NTSR1: variants seen among roughly 807,000 people sequenced by gnomAD.
NTSR1 encodes neurotensin receptor 1.
NTSR1 carries 29 observed loss-of-function variants against 31.2 expected under a neutral mutation model. The observed-to-expected ratio is 0.93, with a 90% CI of 0.69 to 1.27. The LOEUF is 1.27. NTSR1 is among the 50% of genes most tolerant of loss of function. The pLI is 0.00. For synonymous variants in NTSR1, 282 were observed against 269.9 expected, an observed-to-expected ratio of 1.04 and a Z score of -0.44; for missense variants, 697 against 595.4, an observed-to-expected ratio of 1.17 and a Z score of -1.78.
Position 62,745,286 on chromosome 20 carries a change from GAAAC to G in NTSR1, c.715-9397_715-9394del. Among the ~76,000 whole-genome samples the G allele has an allele frequency of 6.6e-6, 1 of 152,066 alleles. No individual in the cohort carries two copies. The highest frequency in any genetic ancestry group is 1.5e-5 in the Non-Finnish European group (1 of 67,972). ...ACATGGAGAGAGACACAGAGACAGA[GAAAC>G]AGACACATAGAGGAAAACAGACACA... On this transcript the variant is annotated intron_variant, in intron 1 of 3. Transcript: ENST00000370501. This position sits in a 1 kb window ranked among gnomAD's most constrained non-coding sequence, Gnocchi z 4.1.
Position 62,741,728 on chromosome 20 carries a change from G to T in NTSR1, c.715-12957G>T, listed in dbSNP as rs748025818. 6.7e-6 allele frequency among the ~76,000 whole-genome samples: 1 copy of T among 149,686 alleles called. No individual in the cohort carries two copies. Among genetic ancestry groups the T allele is most frequent in the Non-Finnish European group, 1.5e-5 (1 of 68,018 alleles). ...GGGCAGGCTCAGTCCCTGAGAGGTC[G>T]CCAAGGAGCCACAGCCTTGGACTAG... On this transcript the variant is annotated intron_variant, in intron 1 of 3. Transcript: ENST00000370501. This position sits in a 1 kb window ranked among gnomAD's most constrained non-coding sequence, Gnocchi z 4.3.
intron 1 of NTSR1, among the ~76,000 whole-genome samples, chr20:62,754,348 C>G (rs148003477): frequency 0.022 from 3,286 of 152,308 alleles, 102 homozygotes; most frequent in African/African-American, 0.068. Context: ...AACCTAGAGC[C>G]TAGGGCCTTT....
At position 62,720,541 on chromosome 20, in the gene NTSR1, G is replaced by T. The variant is rs182259071; in HGVS notation, c.714+10620G>T. Among the ~76,000 whole-genome samples the T allele has an allele frequency of 3.1e-3, 473 of 152,110 alleles. 5 individuals carry two copies. Among genetic ancestry groups the T allele is most frequent in the African/African-American group, 0.011 (446 of 41,466 alleles). ...TGTGACTTCTCTCTTTTCTCCTTGG[G>T]CAATATGGCTAGGATTTTATTAACA... On this transcript the variant is annotated intron_variant, in intron 1 of 3. Coordinates refer to ENST00000370501, the MANE Select transcript of NTSR1 (RefSeq NM_002531.3).
In NTSR1 at chr20:62,743,798, CGAA is replaced by C. The variant is rs774196328; in HGVS notation, c.715-10884_715-10882del. On this transcript the variant is annotated intron_variant, in intron 1 of 3. Coordinates refer to ENST00000370501, the MANE Select transcript of NTSR1 (RefSeq NM_002531.3). The surrounding 1 kb of genome is among the most constrained non-coding windows in gnomAD (Gnocchi z 7.5). Reference sequence around the variant, plus strand: ...AGAATACAAAACAAGCAATTGCTCTCGAAGAGCGAGGTGAGAACGCCCTGCCTG... The same window carrying C: ...AGAATACAAAACAAGCAATTGCTCTCGAGCGAGGTGAGAACGCCCTGCCTG... Among the ~76,000 whole-genome samples, 3 of 152,040 alleles carry C rather than the reference CGAA, an allele frequency of 2.0e-5. No individual in the cohort carries two copies. Among genetic ancestry groups the C allele is most frequent in the Non-Finnish European group, 4.4e-5 (3 of 68,024 alleles).
chr20:62,713,062 G>C (rs1020827940), intron 1 of NTSR1, among the ~76,000 whole-genome samples: 1 of 152,138 alleles, frequency 6.6e-6, no homozygotes, highest in Non-Finnish European at 1.5e-5. Flanking sequence ...CAGTTTTAGA[G>C]ACCCGCCCCT....
In NTSR1 at chr20:62,732,530, T is replaced by C. The variant is rs1175817792; in HGVS notation, c.715-22155T>C. 1 of 152,194 alleles carries C rather than the reference T, an allele frequency of 6.6e-6. No homozygotes were observed. Among genetic ancestry groups the C allele is most frequent in the East Asian group, 1.9e-4 (1 of 5,196 alleles). The allele number at this position is 152,194 out of a possible 1,614,324, so 9.4% of individuals were successfully genotyped here. A position where few individuals can be genotyped will look rare whatever the true frequency, so the allele number is the denominator to read the frequency against. Reference sequence around the variant, plus strand: ...CCATGTAGCGCTGCATGAGATTCGCTGCTATTTGTGTAATTCTTAGTATGT... The same window carrying C: ...CCATGTAGCGCTGCATGAGATTCGCCGCTATTTGTGTAATTCTTAGTATGT... On this transcript the variant is annotated intron_variant, in intron 1 of 3. Coordinates refer to ENST00000370501, the MANE Select transcript of NTSR1 (RefSeq NM_002531.3). The surrounding 1 kb of genome is among the most constrained non-coding windows in gnomAD (Gnocchi z 4.0).
At chr20:62,709,966 C>G in intron 1 of NTSR1, 45 bp downstream of exon 1, 3 of 1,429,018 alleles carry the variant, frequency 2.1e-6, no homozygotes, top group Non-Finnish European at 2.9e-6. Flanking sequence ...TCCTTCACCC[C>G]AAAAGCAGTG....
intron 1 of NTSR1, among the ~76,000 whole-genome samples, chr20:62,725,409 C>T (rs1389373747): frequency 6.6e-6 from 1 of 152,320 alleles, no homozygotes. Flanking sequence ...AGGCGGGAGG[C>T]GAGTGGGCTC....
In NTSR1 at chr20:62,743,338, C is replaced by T. The variant is rs901030471; in HGVS notation, c.715-11347C>T. On this transcript the variant is annotated intron_variant, in intron 1 of 3. Coordinates refer to ENST00000370501, the MANE Select transcript of NTSR1 (RefSeq NM_002531.3). This position sits in a 1 kb window ranked among gnomAD's most constrained non-coding sequence, Gnocchi z 7.5. ...ACACAGGGTTTCTGAATTAACTCTG[C>T]CATCGTTCCTGGCCTCAGCTGTGGT... Among the ~76,000 whole-genome samples, 1 of 136,724 alleles carries T rather than the reference C, an allele frequency of 7.3e-6. No homozygotes were observed. The highest frequency in any genetic ancestry group is 1.5e-5 in the Non-Finnish European group (1 of 67,594). The allele number at this position is 136,724 out of a possible 152,430, so 89.7% of individuals were successfully genotyped here. A position where few individuals can be genotyped will look rare whatever the true frequency, so the allele number is the denominator to read the frequency against.
At chr20:62,740,113 A>C (rs1185198597) in intron 1 of NTSR1, among the ~76,000 whole-genome samples, 1 of 152,228 alleles carries the variant, frequency 6.6e-6, no homozygotes, top group East Asian at 1.9e-4. Context: ...GGAGCAGAGA[A>C]CTTTTCCGGA....
At chr20:62,754,470 G>A (rs1989445159) in intron 1 of NTSR1, among the ~76,000 whole-genome samples, 1 of 152,208 alleles carries the variant, frequency 6.6e-6, no homozygotes, top group Admixed American at 6.5e-5. Flanking sequence ...GTCAGAGGCA[G>A]GGTCGGGGGC....
chr20:62,719,671 A>G (rs1988799474), intron 1 of NTSR1, among the ~76,000 whole-genome samples: 1 of 152,186 alleles, frequency 6.6e-6, no homozygotes, highest in South Asian at 2.1e-4. Context: ...ATATAAGTGG[A>G]AAACCTTGGT....
chr20:62,736,739 C>T (rs1019027670), intron 1 of NTSR1, among the ~76,000 whole-genome samples: 2 of 152,242 alleles, frequency 1.3e-5, no homozygotes, highest in Admixed American at 6.5e-5. Context: ...ATGCACACAC[C>T]TGGCGTAGGA....
rs775390704 is a variant in NTSR1 at position 62,709,889 on chromosome 20, A to G, written c.682A>G (p.Ile228Val). Residue 228 changes from isoleucine (I) to valine (V), a missense_variant, in exon 1 of 4, where the codon ATC (isoleucine) becomes GTC (valine). Coordinates refer to ENST00000370501, the MANE Select transcript of NTSR1 (RefSeq NM_002531.3). ...HAGGLVCTPT[I>V]HTATVKVVIQ... The stretch of plus-strand genomic sequence containing the variant: ...CGGCGGCCTGGTGTGCACCCCCACC[A>G]TCCACACTGCCACCGTCAAGGTCGT... The G allele has an allele frequency of 5.0e-6, 8 of 1,600,518 alleles. 1 individual carries two copies. The South Asian group carries it at 7.7e-5, about 15-fold the overall frequency.
At position 62,745,144 on chromosome 20, in the gene NTSR1, C is replaced by T. The variant is rs1989276544; in HGVS notation, c.715-9541C>T. 6.6e-6 allele frequency among the ~76,000 whole-genome samples: 1 copy of T among 152,196 alleles called. No homozygotes were observed. Among genetic ancestry groups the T allele is most frequent in the Non-Finnish European group, 1.5e-5 (1 of 68,026 alleles). On this transcript the variant is annotated intron_variant, in intron 1 of 3. Coordinates refer to ENST00000370501, the MANE Select transcript of NTSR1 (RefSeq NM_002531.3). The surrounding 1 kb of genome is among the most constrained non-coding windows in gnomAD (Gnocchi z 4.1). ...GCCGGCTCCAGGGAGGGTGGCCCAG[C>T]CAGTTCCTGCCACCTGAGGATGTTG...
At chr20:62,719,651 C>CG (rs34601531) in intron 1 of NTSR1, among the ~76,000 whole-genome samples, 99,826 of 151,876 alleles carry the variant, frequency 0.66, 35,949 homozygotes, top group East Asian at 0.94. Flanking sequence ...TTGACCACTC[C>CG]GGGGGCCAAA....
chr20:62,729,274 C>T (rs1600724297), intron 1 of NTSR1, among the ~76,000 whole-genome samples: 1 of 152,346 alleles, frequency 6.6e-6, no homozygotes, highest in East Asian at 1.9e-4. Flanking sequence ...AGAGTAGCTC[C>T]CTGGGAGCCC....
chr20:62,730,275 C>T (rs959566901), intron 1 of NTSR1, among the ~76,000 whole-genome samples: 2 of 152,186 alleles, frequency 1.3e-5, no homozygotes, highest in African/African-American at 4.8e-5. Flanking sequence ...CCCCACAACC[C>T]CTGGCACCCA....
In NTSR1 at chr20:62,715,794, A is replaced by T. The variant is rs1385708775; in HGVS notation, c.714+5873A>T. Among the ~76,000 whole-genome samples the T allele has an allele frequency of 6.6e-6, 1 of 152,184 alleles. No individual in the cohort carries two copies. Among genetic ancestry groups the T allele is most frequent in the Non-Finnish European group, 1.5e-5 (1 of 68,026 alleles). ...GCCAAGAACCACCACAAGCCACCCCACAGGTGAGGCAGGCCTCAGGCAGCA... is the reference window on the plus strand; with the variant it reads ...GCCAAGAACCACCACAAGCCACCCCTCAGGTGAGGCAGGCCTCAGGCAGCA... On this transcript the variant is annotated intron_variant, in intron 1 of 3. Coordinates refer to ENST00000370501, the MANE Select transcript of NTSR1 (RefSeq NM_002531.3). The surrounding 1 kb of genome is among the most constrained non-coding windows in gnomAD (Gnocchi z 4.7).
Sources: allele counts gnomAD v4.1 joint callset (sites outside exome capture counted in the v4.1 genomes callset), GRCh38; gene constraint gnomAD v4.1.1; non-coding constraint Gnocchi (gnomAD v3.1); transcripts MANE v1.5; gene names NCBI Gene and HGNC (gene_info 2026-07-23, HGNC 2026-07-21).